Variants in SLC43A1 observed in about 807,000 individuals in gnomAD.
The protein encoded by SLC43A1 is large neutral amino acids transporter small subunit 3.
A neutral mutation model predicts 59.5 loss-of-function variants in SLC43A1; 31 were observed. The observed-to-expected ratio is 0.52, with a 90% CI of 0.39 to 0.70. The LOEUF is 0.70. Among genes scored for constraint, SLC43A1 ranks in the 30% least tolerant of loss-of-function variants. The pLI, the probability that SLC43A1 is intolerant of heterozygous loss-of-function variation, is 0.00. For synonymous variants in SLC43A1, 259 were observed against 290.9 expected (o/e 0.89, Z 1.12); for missense variants, 598 against 717.8 (o/e 0.83, Z 1.91).
Position 57,497,756 on chromosome 11 carries a change from G to C in SLC43A1, c.555C>G (p.Ile185Met), listed in dbSNP as rs759570173. The C allele has an allele frequency of 6.8e-6, 11 of 1,612,848 alleles. No homozygotes were observed. The East Asian group carries it at 2.5e-4, about 36-fold the overall frequency. ...YASSAITFPG[I>M]KLIYDAGVAF... ...GAAAACCCAGGTGGCCTCATACCTT[G>C]ATTCCTGGGAACGTAATGGCAGAAG... Residue 185 changes from isoleucine (I) to methionine (M), a missense_variant, in exon 6 of 15, where the codon ATC becomes ATG. Coordinates refer to ENST00000278426, the MANE Select transcript of SLC43A1 (RefSeq NM_003627.6).
chr11:57,490,599 C>A (rs1435389626), intron 11 of SLC43A1, among the ~76,000 whole-genome samples: 2 of 152,220 alleles, frequency 1.3e-5, no homozygotes, highest in African/African-American at 4.8e-5. Context: ...GACATAGATT[C>A]TCCAACCCCA....
Position 57,501,159 on chromosome 11 carries a change from C to T in SLC43A1, c.325G>A (p.Val109Ile), listed in dbSNP as rs759303160. ...ATAGCCCAGCCACCTCACCTGCCAA[C>T]CAGCCGCACGGGTCGGGGGCCAAAG... The part of the protein sequence containing the change: ...DRFGPRPVRL[V>I]GSACFTASCT... Residue 109 changes from valine (V) to isoleucine (I), a missense_variant, in exon 3 of 15, where the codon GTT (valine) becomes ATT (isoleucine). Coordinates refer to ENST00000278426, the MANE Select transcript of SLC43A1 (RefSeq NM_003627.6). 5.0e-6 allele frequency: 8 copies of T among 1,612,586 alleles called. No homozygotes were observed. Among genetic ancestry groups the T allele is most frequent in the East Asian group, 2.2e-5 (1 of 44,884 alleles).
In SLC43A1 at chr11:57,485,748, G is replaced by T. The variant is rs888374946; in HGVS notation, c.1534-506C>A. 2.6e-5 allele frequency among the ~76,000 whole-genome samples: 4 copies of T among 152,334 alleles called. No homozygotes were observed. In the East Asian group the frequency reaches 7.7e-4, roughly 29 times the overall value. Reference sequence around the variant, plus strand: ...CACATCCCACTCTGCATTACTCACTGTGTGACTTTGGGCAAATAATGGCAA... The same window carrying T: ...CACATCCCACTCTGCATTACTCACTTTGTGACTTTGGGCAAATAATGGCAA... On this transcript the variant is annotated intron_variant, in intron 14 of 14. Coordinates refer to ENST00000278426, the MANE Select transcript of SLC43A1 (RefSeq NM_003627.6).
intron 2 of SLC43A1, among the ~76,000 whole-genome samples, chr11:57,505,191 A>G (rs189815991): frequency 5.3e-4 from 80 of 152,326 alleles, no homozygotes; most frequent in African/African-American, 1.8e-3. Context: ...CAGGTTTCAT[A>G]GTTATTCGTT....
intron 2 of SLC43A1, among the ~76,000 whole-genome samples, chr11:57,507,898 C>A (rs572696592): frequency 1.9e-4 from 29 of 152,320 alleles, no homozygotes; most frequent in Admixed American, 8.5e-4. Flanking sequence ...TGCTTACCCT[C>A]ATTTCATTTT....
chr11:57,485,156 C>T lies in SLC43A1; in HGVS notation c.1620G>A (p.Glu540=). 6.2e-7 allele frequency: 1 copy of T among 1,614,140 alleles called. No individual in the cohort carries two copies. The highest frequency in any genetic ancestry group is 8.5e-7 in the Non-Finnish European group (1 of 1,180,030). Residue 540 remains glutamate, a synonymous_variant, in exon 15 of 15, where the codon GAG becomes GAA. Coordinates refer to ENST00000278426, the MANE Select transcript of SLC43A1 (RefSeq NM_003627.6). ...GTGGGCCCATCCCATTGGCGGCGTA[C>T]TCCTGCTGGAGCCGGGCACGGTAAT... is the stretch of plus-strand genomic sequence containing the variant. The part of the protein sequence containing the change: ...LFYYRARLQQ[E]YAANGMGPLK...
chr11:57,513,882 A>G (rs1280143039), intron 2 of SLC43A1, 76 bp downstream of exon 2: 6 of 1,206,496 alleles, frequency 5.0e-6, no homozygotes, highest in Non-Finnish European at 7.2e-6. Context: ...CCACCTGGCC[A>G]CCTAACCTTT....
At position 57,494,343 on chromosome 11, in the gene SLC43A1, G is replaced by A. The variant is rs571070008; in HGVS notation, c.693-172C>T. 18 of 611,196 alleles carry A rather than the reference G, an allele frequency of 2.9e-5. 1 individual carries two copies. The African/African-American group carries it at 3.2e-4, about 11-fold the overall frequency. 37.9% of individuals were successfully genotyped at this position (611,196 alleles called of 1,614,324 possible). A position where few individuals can be genotyped will look rare whatever the true frequency, so the allele number is the denominator to read the frequency against. Reference sequence around the variant, plus strand: ...TTTCTGTTGCTCAGAGCTTGGCTCAGGGACCAGCTTAGCACAGATGCCAAG... The same window carrying A: ...TTTCTGTTGCTCAGAGCTTGGCTCAAGGACCAGCTTAGCACAGATGCCAAG... On this transcript the variant is annotated intron_variant, in intron 7 of 14. Transcript: ENST00000278426.
chr11:57,505,139 A>G (rs4939146), intron 2 of SLC43A1, among the ~76,000 whole-genome samples: 29,371 of 152,260 alleles, frequency 0.19, 5,303 homozygotes, highest in African/African-American at 0.48. Context: ...ACAGCATGTG[A>G]GCACTCAAGA....
rs540074820 is a variant in SLC43A1 at position 57,496,531 on chromosome 11, G to T, written c.559-367C>A. On this transcript the variant is annotated intron_variant, in intron 6 of 14. Transcript: ENST00000278426. ...CACAAAAATGTCCATTTCATAGTACGTACAAAGGAAACTTAGTGCTCTAGG... is the reference window on the plus strand; with the variant it reads ...CACAAAAATGTCCATTTCATAGTACTTACAAAGGAAACTTAGTGCTCTAGG... Among the ~76,000 whole-genome samples the T allele has an allele frequency of 3.0e-4, 46 of 152,244 alleles. 1 individual carries two copies. In the South Asian group the frequency reaches 9.5e-3, roughly 32 times the overall value.
At position 57,489,277 on chromosome 11, in the gene SLC43A1, A is replaced by AG; in HGVS notation, c.1308dup (p.Cys437LeufsTer117). The AG allele has an allele frequency of 6.2e-7, 1 of 1,614,180 alleles. No individual in the cohort carries two copies. The highest frequency in any genetic ancestry group is 8.5e-7 in the Non-Finnish European group (1 of 1,180,038). ...TGGAGGTGTAAGTTGTTGATGAGAC[A>AG]GGTGATGCCAAAACCCACAAGCAGC... On this transcript the variant is annotated frameshift_variant, in exon 12 of 15. Transcript: ENST00000278426. LOFTEE classifies it high-confidence loss of function.
At chr11:57,502,133 G>A (rs1944283740) in intron 2 of SLC43A1, among the ~76,000 whole-genome samples, 1 of 152,236 alleles carries the variant, frequency 6.6e-6, no homozygotes, top group East Asian at 1.9e-4. Context: ...AAGGAGAAAA[G>A]CTAGTGATAG....
chr11:57,496,250 A>G, intron 6 of SLC43A1, 86 bp from the exon 7 acceptor site: 1 of 1,490,996 alleles, frequency 6.7e-7, no homozygotes, highest in Non-Finnish European at 9.0e-7. Flanking sequence ...GAGGCCTTAA[A>G]GAAGTTCTCT....
intron 2 of SLC43A1, among the ~76,000 whole-genome samples, chr11:57,504,415 G>A (rs748102639): frequency 8.5e-5 from 13 of 152,186 alleles, no homozygotes; most frequent in Non-Finnish European, 1.5e-4. Flanking sequence ...CCCTGAATTA[G>A]ACACTGTTCC....
intron 11 of SLC43A1, 58 bp from the exon 12 acceptor site, chr11:57,489,450 C>T (rs1002010999): frequency 2.3e-5 from 37 of 1,595,390 alleles, no homozygotes. Flanking sequence ...CTCCCTGGTT[C>T]TTGGCCTGGC....
intron 2 of SLC43A1, among the ~76,000 whole-genome samples, chr11:57,510,145 A>G (rs1316015115): frequency 6.6e-6 from 1 of 152,104 alleles, no homozygotes; most frequent in Non-Finnish European, 1.5e-5. Flanking sequence ...TACATCCACT[A>G]GGATGGCTAT....
rs1944630931 is a variant in SLC43A1 at position 57,514,429 on chromosome 11, C to T, written c.-13-305G>A. 3.0e-6 allele frequency: 1 copy of T among 337,614 alleles called. No individual in the cohort carries two copies. Among genetic ancestry groups the T allele is most frequent in the Non-Finnish European group, 5.5e-6 (1 of 182,770 alleles). The allele number at this position is 337,614 out of a possible 1,614,324, so 20.9% of individuals were successfully genotyped here. On this transcript the variant is annotated intron_variant, in intron 1 of 14. Coordinates refer to ENST00000278426, the MANE Select transcript of SLC43A1 (RefSeq NM_003627.6). The surrounding 1 kb of genome is among the most constrained non-coding windows in gnomAD (Gnocchi z 5.5). Reference sequence around the variant, plus strand: ...TCACCCAGGCCAGGGCGCTCAGGGCCGGGCTGCTGGGGAGAAAGTCCGCAT... The same window carrying T: ...TCACCCAGGCCAGGGCGCTCAGGGCTGGGCTGCTGGGGAGAAAGTCCGCAT...
rs1565146362 is a variant in SLC43A1, at chr11:57,514,044, T to A, written c.68A>T (p.Asn23Ile). 3 of 1,605,610 alleles carry A rather than the reference T, an allele frequency of 1.9e-6. No homozygotes were observed. The highest frequency in any genetic ancestry group is 2.5e-6 in the Non-Finnish European group (3 of 1,176,732). ...CAGGAGTACAGCAGAGAAGAAGAGG[T>A]TCTCCAGCACAGCCGTGCAGGCCAT... ...WWMACTAVLE[N>I]LFFSAVLLGW... Residue 23 changes from asparagine to isoleucine, a missense_variant, in exon 2 of 15, where the codon AAC (asparagine) becomes ATC (isoleucine). Coordinates refer to ENST00000278426, the MANE Select transcript of SLC43A1 (RefSeq NM_003627.6). The surrounding 1 kb of genome is among the most constrained non-coding windows in gnomAD (Gnocchi z 5.5).
rs1343668889 is a variant in SLC43A1 at position 57,500,775 on chromosome 11, T to G, written c.465+4A>C. 6.2e-7 allele frequency: 1 copy of G among 1,613,856 alleles called. No individual in the cohort carries two copies. The highest frequency in any genetic ancestry group is 1.7e-5 in the Admixed American group (1 of 59,996). On this transcript the variant is annotated splice_donor_region_variant and intron_variant, in intron 5 of 14. Coordinates refer to ENST00000278426, the MANE Select transcript of SLC43A1 (RefSeq NM_003627.6). Reference sequence around the variant, plus strand: ...TGCTGCCAGGCCAGGCCTGTGACACTCACCGTGAGTGAAGTGAACGTTAGG... The same window carrying G: ...TGCTGCCAGGCCAGGCCTGTGACACGCACCGTGAGTGAAGTGAACGTTAGG...
Sources: gnomAD v4.1 joint callset for allele counts (sites outside exome capture counted in the v4.1 genomes callset) on GRCh38, gnomAD v4.1.1 for gene constraint, Gnocchi (gnomAD v3.1) non-coding constraint, MANE v1.5 for transcripts, NCBI Gene and HGNC (gene_info 2026-07-23, HGNC 2026-07-21) for gene names.